Variants in MAP2K5 observed in about 807,000 individuals in gnomAD.
MAP2K5 encodes dual specificity mitogen-activated protein kinase kinase 5.
Under a neutral mutation model 83.1 loss-of-function variants are expected in MAP2K5, and 49 were observed. The observed-to-expected ratio is 0.59, with a 90% CI of 0.47 to 0.75. The LOEUF is 0.75. MAP2K5 is among the 30% of genes least tolerant of loss of function. The pLI is 0.00. For missense variants in MAP2K5, 457 were observed against 557.5 expected, an observed-to-expected ratio of 0.82 and a Z score of 1.82; for synonymous variants, 202 against 191.8, an observed-to-expected ratio of 1.05 and a Z score of -0.44.
At chr15:67,696,852 G>T (rs918488714) in intron 15 of MAP2K5, among the ~76,000 whole-genome samples, 1 of 152,156 alleles carries the variant, frequency 6.6e-6, no homozygotes, top group Non-Finnish European at 1.5e-5. Flanking sequence ...GGTGGTGCAT[G>T]CCTGTAATCC....
chr15:67,624,980 G>T (rs919029539), intron 8 of MAP2K5, among the ~76,000 whole-genome samples: 3 of 152,066 alleles, frequency 2.0e-5, no homozygotes, highest in African/African-American at 4.8e-5. Flanking sequence ...ATATTCTGTC[G>T]CGGCTCGTCT....
At chr15:67,686,197 C>T (rs2087948724) in intron 13 of MAP2K5, among the ~76,000 whole-genome samples, 1 of 152,136 alleles carries the variant, frequency 6.6e-6, no homozygotes, top group South Asian at 2.1e-4. Flanking sequence ...ATTAAAAGCA[C>T]AAATGTCAAA....
chr15:67,746,538 T>C lies in MAP2K5; in HGVS notation c.1075-1693T>C, dbSNP rs2089609405. ...AGGCTTTTCAGTATTTTTTTAAAGG[T>C]AGTTTGGCTTGTTACTGAAATTCTT... On this transcript the variant is annotated intron_variant, in intron 17 of 21. Transcript: ENST00000178640. The surrounding 1 kb of genome is among the most constrained non-coding windows in gnomAD (Gnocchi z 4.1). 6.6e-6 allele frequency among the ~76,000 whole-genome samples: 1 copy of C among 152,108 alleles called. No individual in the cohort carries two copies.
chr15:67,697,280 C>G (rs2088289213), intron 15 of MAP2K5, among the ~76,000 whole-genome samples: 1 of 152,152 alleles, frequency 6.6e-6, no homozygotes, highest in South Asian at 2.1e-4. Context: ...ACTTAGGTAG[C>G]TTTATGTGCC....
chr15:67,803,522 G>A (rs1000544666), intron 21 of MAP2K5, among the ~76,000 whole-genome samples: 2 of 152,208 alleles, frequency 1.3e-5, no homozygotes, highest in African/African-American at 4.8e-5. Flanking sequence ...GGGGAGCCAG[G>A]CCAGCCCCGA....
Position 67,777,951 on chromosome 15 carries a change from A to G in MAP2K5, c.1242+5199A>G, listed in dbSNP as rs541150665. ...CAGCAAGTAAATAGTGGCATTAGAAATACAACAAGTTGGCATGGGTCCTAG... is the reference window on the plus strand; with the variant it reads ...CAGCAAGTAAATAGTGGCATTAGAAGTACAACAAGTTGGCATGGGTCCTAG... On this transcript the variant is annotated intron_variant, in intron 21 of 21. Transcript: ENST00000178640. The surrounding 1 kb of genome is among the most constrained non-coding windows in gnomAD (Gnocchi z 6.0). Among the ~76,000 whole-genome samples the G allele has an allele frequency of 9.8e-5, 15 of 152,348 alleles. No homozygotes were observed. The highest frequency in any genetic ancestry group is 9.1e-4 in the Admixed American group (14 of 15,302).
rs2088330812 is a variant in MAP2K5, at chr15:67,698,777, T to G, written c.973-4560T>G. On this transcript the variant is annotated intron_variant, in intron 15 of 21. Coordinates refer to ENST00000178640, the MANE Select transcript of MAP2K5 (RefSeq NM_145160.3). This position sits in a 1 kb window ranked among gnomAD's most constrained non-coding sequence, Gnocchi z 4.5. ...TACTCGGAATAAAACACATACACAT[T>G]GCATGATCCAACTCAATTGGCTATG... Among the ~76,000 whole-genome samples, 1 of 152,200 alleles carries G rather than the reference T, an allele frequency of 6.6e-6. No individual in the cohort carries two copies.
intron 16 of MAP2K5, among the ~76,000 whole-genome samples, 178 bp downstream of exon 16, chr15:67,703,586 G>A (rs1325268988): frequency 6.6e-6 from 1 of 152,174 alleles, no homozygotes; most frequent in African/African-American, 2.4e-5. Flanking sequence ...GACTCTGGAG[G>A]TTATTTTAAA....
Position 67,738,353 on chromosome 15 carries a change from AAGG to A in MAP2K5, c.1075-9877_1075-9875del, listed in dbSNP as rs531370824. On this transcript the variant is annotated intron_variant, in intron 17 of 21. Coordinates refer to ENST00000178640, the MANE Select transcript of MAP2K5 (RefSeq NM_145160.3). This position sits in a 1 kb window ranked among gnomAD's most constrained non-coding sequence, Gnocchi z 4.1. ...TTAATCAAAAGAAAGTTCCTGGCCA[AAGG>A]CCTCCTTCCAGGCCCTGCTCTTTGG... 1.1e-3 allele frequency among the ~76,000 whole-genome samples: 162 copies of A among 152,362 alleles called. 1 individual carries two copies. The highest frequency in any genetic ancestry group is 5.7e-3 in the Admixed American group (88 of 15,312).
In MAP2K5 at chr15:67,708,609, G is replaced by C. The variant is rs2088615899; in HGVS notation, c.1044+5201G>C. Among the ~76,000 whole-genome samples the C allele has an allele frequency of 6.6e-6, 1 of 152,044 alleles. No homozygotes were observed. The highest frequency in any genetic ancestry group is 1.5e-5 in the Non-Finnish European group (1 of 67,996). ...CTCTTGAGTAGCTAGGACTACAGGT[G>C]TACCACTGCACCTGGCTGAACGCCT... On this transcript the variant is annotated intron_variant, in intron 16 of 21. Coordinates refer to ENST00000178640, the MANE Select transcript of MAP2K5 (RefSeq NM_145160.3). This position sits in a 1 kb window ranked among gnomAD's most constrained non-coding sequence, Gnocchi z 4.9.
rs1428532554 is a variant in MAP2K5, at chr15:67,785,828, C to T, written c.1242+13076C>T. On this transcript the variant is annotated intron_variant, in intron 21 of 21. Transcript: ENST00000178640. This position sits in a 1 kb window ranked among gnomAD's most constrained non-coding sequence, Gnocchi z 4.4. The stretch of plus-strand genomic sequence containing the variant: ...ATCAGTCTATCGTGTGAATGTGAGC[C>T]AAGAAGCAACCTGGGAAACTGGAAA... Among the ~76,000 whole-genome samples the T allele has an allele frequency of 1.5e-5, 2 of 137,350 alleles. No individual in the cohort carries two copies. Among genetic ancestry groups the T allele is most frequent in the Non-Finnish European group, 3.1e-5 (2 of 65,102 alleles). The allele number at this position is 137,350 out of a possible 152,430, so 90.1% of individuals were successfully genotyped here.
At chr15:67,669,761 C>A (rs1357043901) in intron 13 of MAP2K5, among the ~76,000 whole-genome samples, 1 of 144,306 alleles carries the variant, frequency 6.9e-6, no homozygotes, top group Non-Finnish European at 1.5e-5. Context: ...AAAAATACTT[C>A]TTGCTACTTT....
At chr15:67,609,220 T>C (rs1004554015) in intron 8 of MAP2K5, among the ~76,000 whole-genome samples, 4 of 152,076 alleles carry the variant, frequency 2.6e-5, no homozygotes, top group South Asian at 2.1e-4. Flanking sequence ...TTTTGTTTAG[T>C]CTATATTCAT....
chr15:67,762,424 G>A (rs1006474414), intron 19 of MAP2K5, among the ~76,000 whole-genome samples: 4 of 152,048 alleles, frequency 2.6e-5, no homozygotes, highest in Non-Finnish European at 4.4e-5. Flanking sequence ...TGGAAAGGAA[G>A]CAATTATAAA....
intron 11 of MAP2K5, among the ~76,000 whole-genome samples, chr15:67,656,569 T>G (rs867795687): frequency 2.0e-5 from 3 of 152,082 alleles, no homozygotes; most frequent in Admixed American, 6.6e-5. Context: ...CCTCAAGTGA[T>G]CCTCCCTCCT....
At chr15:67,763,635 TTTTG>T (rs2089992189) in intron 19 of MAP2K5, among the ~76,000 whole-genome samples, 1 of 151,414 alleles carries the variant, frequency 6.6e-6, no homozygotes, top group African/African-American at 2.4e-5. Context: ...TTTTTCATTT[TTTTG>T]TTTTTTAGAT....
rs1034312832 is a variant in MAP2K5, at chr15:67,636,187, C to T, written c.585+5260C>T. Among the ~76,000 whole-genome samples, 6 of 152,206 alleles carry T rather than the reference C, an allele frequency of 3.9e-5. No homozygotes were observed. The highest frequency in any genetic ancestry group is 2.1e-4 in the South Asian group (1 of 4,822). On this transcript the variant is annotated intron_variant, in intron 9 of 21. Coordinates refer to ENST00000178640, the MANE Select transcript of MAP2K5 (RefSeq NM_145160.3). This position sits in a 1 kb window ranked among gnomAD's most constrained non-coding sequence, Gnocchi z 4.7. The stretch of plus-strand genomic sequence containing the variant: ...CAGCACTTTGAAAGGCTGAGGTGGG[C>T]GGATCATGAGGTCAGGAGATCGAGA...
intron 12 of MAP2K5, among the ~76,000 whole-genome samples, chr15:67,659,903 A>C (rs1004739173): frequency 6.6e-5 from 10 of 152,140 alleles, no homozygotes; most frequent in Non-Finnish European, 1.3e-4. Context: ...CTATCTTTTC[A>C]GTTCTACTGG....
Position 67,727,963 on chromosome 15 carries a change from T to A in MAP2K5, c.1074+18T>A, listed in dbSNP as rs371358126. On this transcript the variant is annotated intron_variant, in intron 17 of 21. Transcript: ENST00000178640. ...ATCCTCAGGTAAGATTGTTCATTAC[T>A]GCTGTTTGCCACTGTGACATTCATT... 6 of 1,605,958 alleles carry A rather than the reference T, an allele frequency of 3.7e-6. No homozygotes were observed. Among genetic ancestry groups the A allele is most frequent in the African/African-American group, 1.3e-5 (1 of 74,864 alleles).
Sources: gnomAD v4.1 joint callset for allele counts (sites outside exome capture counted in the v4.1 genomes callset) on GRCh38, gnomAD v4.1.1 for gene constraint, Gnocchi (gnomAD v3.1) non-coding constraint, MANE v1.5 for transcripts, NCBI Gene and HGNC (gene_info 2026-07-23, HGNC 2026-07-21) for gene names.